DMRT2: variants seen among roughly 807,000 people sequenced by gnomAD.
The protein encoded by DMRT2 is doublesex and mab-3 related transcription factor 2.
DMRT2 carries 33 observed loss-of-function variants against 43.5 expected under a neutral mutation model. That is an observed-to-expected ratio of 0.76 (90% confidence interval 0.58 to 1.01). The LOEUF (loss-of-function observed/expected upper bound fraction) is 1.01, where lower values mean the gene tolerates loss of function less well. Ranked by LOEUF, DMRT2 falls within the 50% of genes least tolerant of loss-of-function variation. DMRT2 has a pLI of 0.00. For synonymous variants in DMRT2, 395 were observed against 309.2 expected (o/e 1.28, Z -2.91); for missense variants, 1,064 against 748.0 (o/e 1.42, Z -4.93).
Position 1,051,715 on chromosome 9 carries a change from C to G in DMRT2, c.102C>G (p.Pro34=). 2 of 1,543,598 alleles carry G rather than the reference C, an allele frequency of 1.3e-6. No individual in the cohort carries two copies. Among genetic ancestry groups the G allele is most frequent in the Non-Finnish European group, 1.7e-6 (2 of 1,150,118 alleles). ...TCTGCGGGGCGCCGCGGTCCACGCC[C>G]CCCGGGCCCAGCCCGCCGCCGGCGG... ...EDVCGAPRST[P]PGPSPPPADG... The change falls in exon 2 of 4, where the codon CCC becomes CCG. Residue 34 remains proline (P), a synonymous_variant. Transcript: ENST00000358146. The surrounding 1 kb of genome is among the most constrained non-coding windows in gnomAD (Gnocchi z 5.9).
chr9:1,052,324 T>A (rs1332403982), intron 2 of DMRT2, among the ~76,000 whole-genome samples, 186 bp downstream of exon 2: 1 of 152,080 alleles, frequency 6.6e-6, no homozygotes, highest in African/African-American at 2.4e-5. Context: ...AAAGCAGGCA[T>A]CTCTGGGGAA....
Sources: allele counts gnomAD v4.1 joint callset (sites outside exome capture counted in the v4.1 genomes callset), GRCh38; gene constraint gnomAD v4.1.1; non-coding constraint Gnocchi (gnomAD v3.1); transcripts MANE v1.5; gene names NCBI Gene and HGNC (gene_info 2026-07-23, HGNC 2026-07-21).